The following IL31RA variants were observed in gnomAD, a reference collection of about 807,000 sequenced individuals.
IL31RA encodes the protein interleukin 31 receptor A.
Under a neutral mutation model 83.7 loss-of-function variants are expected in IL31RA, and 66 were observed. That is an observed-to-expected ratio of 0.79 (90% CI 0.65 to 0.97). The LOEUF (loss-of-function observed/expected upper bound fraction) is 0.97. Among genes scored for constraint, IL31RA ranks in the 50% least tolerant of loss-of-function variants. IL31RA has a pLI of 0.00. For missense variants in IL31RA, 798 were observed against 919.4 expected, an observed-to-expected ratio of 0.87 and a Z score of 1.71; for synonymous variants, 325 against 329.0, an observed-to-expected ratio of 0.99 and a Z score of 0.13.
At chr5:55,886,324 G>C (rs1747616373) in intron 5 of IL31RA, among the ~76,000 whole-genome samples, 1 of 141,718 alleles carries the variant, frequency 7.1e-6, no homozygotes, top group Non-Finnish European at 1.5e-5. Context: ...GCCCAGGCTG[G>C]AGTGAATGGC....
intron 6 of IL31RA, among the ~76,000 whole-genome samples, chr5:55,892,688 A>G (rs1223792737): frequency 1.3e-5 from 2 of 151,770 alleles, no homozygotes; most frequent in Non-Finnish European, 2.9e-5. Flanking sequence ...CATGGCTGTC[A>G]CTCTTCTTTC....
chr5:55,851,246 C>A, upstream of IL31RA: 2 of 408,528 alleles, frequency 4.9e-6, no homozygotes, highest in Non-Finnish European at 4.6e-6. Flanking sequence ...TTAAAGACAC[C>A]TTATTTAATA....
At chr5:55,894,109 CA>C (rs1445038051) in intron 6 of IL31RA, among the ~76,000 whole-genome samples, 5 of 151,814 alleles carry the variant, frequency 3.3e-5, no homozygotes, top group Non-Finnish European at 4.4e-5. Context: ...TAGTAATGAA[CA>C]CCTTGTCTTT....
Position 55,851,564 on chromosome 5 carries a change from G to C in IL31RA, c.-7G>C, listed in dbSNP as rs574425523. 1.9e-6 allele frequency: 3 copies of C among 1,613,974 alleles called. No homozygotes were observed. The highest frequency in any genetic ancestry group is 4.5e-5 in the East Asian group (2 of 44,886). On this transcript the variant is annotated 5_prime_UTR_variant, in exon 1 of 15. Transcript: ENST00000652347. ...CAGAGTGTCAGCTTGTTCCACCTCA[G>C]CTGGGAATGTGCATCAGGCAACTCA...
intron 2 of IL31RA, among the ~76,000 whole-genome samples, chr5:55,866,388 T>A (rs182549043): frequency 8.9e-4 from 136 of 152,204 alleles, no homozygotes; most frequent in African/African-American, 3.0e-3. Flanking sequence ...AGTTGGGGGA[T>A]GGTTTCAGGA....
Position 55,905,203 on chromosome 5 carries a change from A to G in IL31RA, c.1070-903A>G, listed in dbSNP as rs192518343. On this transcript the variant is annotated intron_variant, in intron 8 of 14. Transcript: ENST00000652347. Reference sequence around the variant, plus strand: ...GTGACAGGGCGAGACTCTGCCTCAAAAAAAAAAAAAAAAGAAAGAAAGAAA... The same window carrying G: ...GTGACAGGGCGAGACTCTGCCTCAAGAAAAAAAAAAAAAGAAAGAAAGAAA... Among the ~76,000 whole-genome samples, 754 of 146,676 alleles carry G rather than the reference A, an allele frequency of 5.1e-3. 8 individuals are homozygous for G. The highest frequency in any genetic ancestry group is 0.019 in the African/African-American group (729 of 38,660).
intron 6 of IL31RA, among the ~76,000 whole-genome samples, chr5:55,894,980 G>T (rs1748243400): frequency 6.6e-6 from 1 of 152,182 alleles, no homozygotes; most frequent in Non-Finnish European, 1.5e-5. Flanking sequence ...GCCTCCCAAA[G>T]TGCTGGGATT....
rs746948698 is a variant in IL31RA, at chr5:55,900,125, A to G, written c.1062A>G (p.Gln354=). 1.2e-6 allele frequency: 2 copies of G among 1,610,684 alleles called. No homozygotes were observed. The highest frequency in any genetic ancestry group is 1.7e-6 in the Non-Finnish European group (2 of 1,176,862). The change falls in exon 8 of 15, where the codon CAA becomes CAG. Residue 354 remains glutamine, a synonymous_variant. Transcript: ENST00000652347. ...PVATLRIPAI[Q]EKSFQCIEVM... ...CCACCCTGAGGATTCCAGCTATTCA[A>G]GAAAAATGTAAGTAGAGCATCAACT...
Position 55,868,770 on chromosome 5 carries a change from G to A in IL31RA, c.155-21G>A, listed in dbSNP as rs563392842. 6 of 1,253,472 alleles carry A rather than the reference G, an allele frequency of 4.8e-6. No individual in the cohort carries two copies. The South Asian group carries it at 6.0e-5, about 12-fold the overall frequency. 77.6% of individuals were successfully genotyped at this position (1,253,472 alleles called of 1,614,324 possible). A position where few individuals can be genotyped will look rare whatever the true frequency, so the allele number is the denominator to read the frequency against. On this transcript the variant is annotated intron_variant, in intron 2 of 14. Coordinates refer to ENST00000652347, the MANE Select transcript of IL31RA (RefSeq NM_139017.7). ...TACTGAAATTTTTGTGTTTGTGTGT[G>A]TGTGTGTTTAATTTATTTAGCTCTG... is the stretch of plus-strand genomic sequence containing the variant.
In IL31RA at chr5:55,916,666, C is replaced by T; in HGVS notation, c.1841C>T (p.Ser614Phe). The stretch of plus-strand genomic sequence containing the variant: ...CAGGATAAGCTAAACCTGAAGGAGT[C>T]TGATGACTCTGTGAACACAGAAGAC... ...DFKDKLNLKE[S>F]DDSVNTEDRI... The change falls in exon 15 of 15, where the codon TCT (serine) becomes TTT (phenylalanine). Residue 614 changes from serine to phenylalanine, a missense_variant. Coordinates refer to ENST00000652347, the MANE Select transcript of IL31RA (RefSeq NM_139017.7). The T allele has an allele frequency of 1.9e-6, 3 of 1,614,082 alleles. No homozygotes were observed. The highest frequency in any genetic ancestry group is 2.5e-6 in the Non-Finnish European group (3 of 1,179,998).
At chr5:55,891,077 AG>A (rs781323024) in intron 6 of IL31RA, among the ~76,000 whole-genome samples, 3 of 152,222 alleles carry the variant, frequency 2.0e-5, no homozygotes, top group Non-Finnish European at 4.4e-5. Context: ...AGCCCATAGT[AG>A]ATATTCACTA....
chr5:55,868,567 A>C (rs1413814223), intron 2 of IL31RA, among the ~76,000 whole-genome samples: 1 of 152,232 alleles, frequency 6.6e-6, no homozygotes, highest in South Asian at 2.1e-4. Context: ...GAATGTAAAA[A>C]GGGATTTCTT....
chr5:55,846,669 C>T (rs970729473), upstream of IL31RA, among the ~76,000 whole-genome samples: 14 of 151,898 alleles, frequency 9.2e-5, no homozygotes, highest in African/African-American at 3.1e-4. Flanking sequence ...TGGTGTCGTG[C>T]GCCTGTAATC....
chr5:55,854,169 A>G (rs1030520626), intron 1 of IL31RA, among the ~76,000 whole-genome samples: 8 of 152,182 alleles, frequency 5.3e-5, no homozygotes, highest in African/African-American at 1.9e-4. Flanking sequence ...CTGTTCCAAC[A>G]TGATAGTGCT....
Position 55,913,527 on chromosome 5 carries a change from A to C in IL31RA, c.1693A>C (p.Ile565Leu), listed in dbSNP as rs760650621. Residue 565 changes from isoleucine to leucine, a missense_variant, in exon 13 of 15, where the codon ATT (isoleucine) becomes CTT (leucine). By Grantham distance (5) the Ile-to-Leu change is conservative (BLOSUM62 2). Coordinates refer to ENST00000652347, the MANE Select transcript of IL31RA (RefSeq NM_139017.7). ...TTCTCTGATTGGTGGAGGCCTTCTT[A>C]TTCTCATTATCCTGACAGTGGCATA... is the stretch of plus-strand genomic sequence containing the variant. ...ITSLIGGGLL[I>L]LIILTVAYGL... 1.8e-5 allele frequency: 29 copies of C among 1,613,502 alleles called. No individual in the cohort carries two copies. The highest frequency in any genetic ancestry group is 2.4e-5 in the Non-Finnish European group (28 of 1,179,578).
Position 55,922,528 on chromosome 5 carries a change from C to T in IL31RA, c.*5408C>T. 1 of 1,049,782 alleles carries T rather than the reference C, an allele frequency of 9.5e-7. No homozygotes were observed. The highest frequency in any genetic ancestry group is 1.4e-6 in the Non-Finnish European group (1 of 706,628). The allele number at this position is 1,049,782 out of a possible 1,614,324, so 65.0% of individuals were successfully genotyped here. On this transcript the variant is annotated 3_prime_UTR_variant, in exon 15 of 15. Transcript: ENST00000652347. ...ACTAGGAAGACTGAATCTGTGGCCC[C>T]AAGAGAACCATCTCTGAAGACTGGG...
intron 2 of IL31RA, among the ~76,000 whole-genome samples, chr5:55,865,558 A>G (rs866909547): frequency 5.9e-5 from 9 of 152,280 alleles, no homozygotes; most frequent in Middle Eastern, 3.4e-3. Context: ...AAACAAAACA[A>G]TGAATGCTAC....
intron 6 of IL31RA, among the ~76,000 whole-genome samples, chr5:55,890,528 C>T (rs372859640): frequency 7.9e-5 from 12 of 152,214 alleles, no homozygotes; most frequent in African/African-American, 2.9e-4. Context: ...CACGACCATG[C>T]CCGGTTGATT....
rs1749877369 is a variant in IL31RA at position 55,917,810 on chromosome 5, G to A, written c.*690G>A. 1.3e-5 allele frequency among the ~76,000 whole-genome samples: 2 copies of A among 152,270 alleles called. No individual in the cohort carries two copies. The highest frequency in any genetic ancestry group is 1.9e-4 in the East Asian group (1 of 5,172). ...AGGGCCCTGGGGAATGTATGCTGCC[G>A]GGCGCAGCTCTGTCCAGTCTCCAGG... On this transcript the variant is annotated 3_prime_UTR_variant, in exon 15 of 15. Transcript: ENST00000652347.
Sources: gnomAD v4.1 joint callset for allele counts (sites outside exome capture counted in the v4.1 genomes callset) on GRCh38, gnomAD v4.1.1 for gene constraint, MANE v1.5 for transcripts, NCBI Gene and HGNC (gene_info 2026-07-23, HGNC 2026-07-21) for gene names.